The following SLC2A9 variants were observed in gnomAD, a reference collection of about 807,000 sequenced individuals.
The protein encoded by SLC2A9 is solute carrier family 2, facilitated glucose transporter member 9.
A neutral mutation model predicts 50.6 loss-of-function variants in SLC2A9; 39 were observed. The ratio of observed to expected loss-of-function variants is 0.77; its 90% confidence interval spans 0.60 to 1.01. SLC2A9 has a LOEUF of 1.01. SLC2A9 is among the 50% of genes least tolerant of loss of function. The probability of loss-of-function intolerance (pLI) is 0.00; values close to 1 mark genes in which losing one functional copy is unlikely to be tolerated. For missense variants in SLC2A9, 686 were observed against 677.6 expected, an observed-to-expected ratio of 1.01 and a Z score of -0.14; for synonymous variants, 324 against 276.9, an observed-to-expected ratio of 1.17 and a Z score of -1.69.
At chr4:9,887,726 C>T in intron 9 of SLC2A9, 84 bp from the exon 10 acceptor site, 3 of 1,165,134 alleles carry the variant, frequency 2.6e-6, no homozygotes, top group Non-Finnish European at 3.5e-6. Context: ...CCTCCTCCAT[C>T]CATCTGTGTG....
chr4:9,956,591 G>A (rs1167715112), intron 5 of SLC2A9, among the ~76,000 whole-genome samples: 2 of 152,272 alleles, frequency 1.3e-5, no homozygotes, highest in South Asian at 2.1e-4. Context: ...TGTTACCAGC[G>A]GCGTTCACAT....
At chr4:9,826,135 T>C (rs1330378204), downstream of SLC2A9, 7 of 485,270 alleles carry the variant, frequency 1.4e-5, no homozygotes, top group Non-Finnish European at 1.8e-5. Flanking sequence ...AGAAGAACGC[T>C]GGGTCTACTG....
intron 3 of SLC2A9, among the ~76,000 whole-genome samples, chr4:9,993,585 G>A (rs1222845685): frequency 6.6e-6 from 1 of 152,164 alleles, no homozygotes; most frequent in Non-Finnish European, 1.5e-5. Flanking sequence ...ACATAGCTGT[G>A]TGTATCGGAG....
At chr4:9,873,910 A>G (rs760271773) in intron 10 of SLC2A9, among the ~76,000 whole-genome samples, 14 of 152,132 alleles carry the variant, frequency 9.2e-5, no homozygotes, top group Non-Finnish European at 1.9e-4. Context: ...CATATTCCAC[A>G]TTTTACCTCT....
chr4:10,017,893 C>A (rs1176219819), intron 2 of SLC2A9, among the ~76,000 whole-genome samples: 3 of 152,164 alleles, frequency 2.0e-5, no homozygotes, highest in Admixed American at 6.5e-5. Context: ...GGCCTGTGCT[C>A]CAAGAACCTG....
At chr4:9,848,184 G>C (rs1212423016) in intron 10 of SLC2A9, among the ~76,000 whole-genome samples, 4 of 152,142 alleles carry the variant, frequency 2.6e-5, no homozygotes, top group Admixed American at 1.3e-4. Flanking sequence ...CCCGAGCTTT[G>C]GAAAGATTTC....
intron 6 of SLC2A9, among the ~76,000 whole-genome samples, chr4:9,938,469 C>T (rs1227061959): frequency 6.6e-6 from 1 of 152,028 alleles, no homozygotes; most frequent in African/African-American, 2.4e-5. Flanking sequence ...AACAGGGTTT[C>T]ACCGTGTTAG....
chr4:9,974,532 C>T (rs1388633158), intron 5 of SLC2A9, among the ~76,000 whole-genome samples: 2 of 137,148 alleles, frequency 1.5e-5, no homozygotes, highest in African/African-American at 2.6e-5. Context: ...AAAAAAAAAA[C>T]TAGGAAATAA....
intron 10 of SLC2A9, among the ~76,000 whole-genome samples, chr4:9,875,406 T>C (rs901655307): frequency 6.6e-6 from 1 of 152,228 alleles, no homozygotes; most frequent in Admixed American, 6.5e-5. Context: ...GGATGCTGTG[T>C]CTTTAGAAAT....
intron 8 of SLC2A9, among the ~76,000 whole-genome samples, chr4:9,895,363 T>C (rs1340505968): frequency 1.3e-5 from 2 of 152,234 alleles, no homozygotes; most frequent in East Asian, 3.8e-4. Flanking sequence ...TCTGTTCTTC[T>C]TCCCTCCCTC....
intron 6 of SLC2A9, among the ~76,000 whole-genome samples, chr4:9,941,152 AAACT>A (rs1748051051): frequency 1.3e-5 from 2 of 152,184 alleles, no homozygotes; most frequent in South Asian, 4.1e-4. Flanking sequence ...TCATTTTATA[AAACT>A]AAAAGAATCA....
intron 8 of SLC2A9, among the ~76,000 whole-genome samples, chr4:9,904,882 T>G (rs1740338917): frequency 6.6e-6 from 1 of 152,228 alleles, no homozygotes; most frequent in Non-Finnish European, 1.5e-5. Context: ...CAATGGACTA[T>G]TCTGCATCCA....
chr4:9,987,704 C>A (rs1206378297), intron 3 of SLC2A9, among the ~76,000 whole-genome samples: 2 of 151,826 alleles, frequency 1.3e-5, no homozygotes, highest in African/African-American at 4.8e-5. Flanking sequence ...AAGTTTTTTT[C>A]TCTAAACCAG....
chr4:10,018,178 T>C (rs756519724), intron 2 of SLC2A9, among the ~76,000 whole-genome samples: 3 of 152,206 alleles, frequency 2.0e-5, no homozygotes, highest in Non-Finnish European at 4.4e-5. Context: ...GGATCTGATT[T>C]CAGAGTAAAA....
chr4:10,021,516 G>A, upstream of SLC2A9: 4 of 1,592,168 alleles, frequency 2.5e-6, no homozygotes, highest in Non-Finnish European at 3.4e-6. Flanking sequence ...AGAGTCCACT[G>A]GAAGGAGGGC....
intron 4 of SLC2A9, among the ~76,000 whole-genome samples, chr4:9,981,197 C>CTGATGGTGATAATGGTTGTAGCAATG (rs1755721839): frequency 4.8e-4 from 2 of 4,160 alleles, no homozygotes; most frequent in African/African-American, 8.3e-4. Flanking sequence ...TAGTGATGGT[C>CTGATGGTGATAATGGTTGTAGCAATG]ATGATGGTGA....
intron 10 of SLC2A9, among the ~76,000 whole-genome samples, chr4:9,867,627 C>T (rs745318018): frequency 6.6e-6 from 1 of 152,182 alleles, no homozygotes; most frequent in East Asian, 1.9e-4. Context: ...CCCTTTCCCT[C>T]GCCCCATCAT....
At chr4:9,838,850 A>T (rs1727533071) in intron 10 of SLC2A9, among the ~76,000 whole-genome samples, 1 of 152,182 alleles carries the variant, frequency 6.6e-6, no homozygotes, top group South Asian at 2.1e-4. Flanking sequence ...ACAAAAATAC[A>T]CTCAAGATGG....
intron 5 of SLC2A9, 93 bp from the exon 6 acceptor site, chr4:9,942,138 AG>A (rs1228916096): frequency 1.3e-6 from 2 of 1,486,154 alleles, no homozygotes; most frequent in African/African-American, 2.8e-5. Context: ...ACCCTGCAGA[AG>A]GTCTTCCTGC....
Sources: gnomAD v4.1 joint callset for allele counts (sites outside exome capture counted in the v4.1 genomes callset) on GRCh38, gnomAD v4.1.1 for gene constraint, MANE v1.5 for transcripts, NCBI Gene and HGNC (gene_info 2026-07-23, HGNC 2026-07-21) for gene names.